Variants in DHX34 observed in about 807,000 individuals in gnomAD.
The protein encoded by DHX34 is probable ATP-dependent RNA helicase DHX34.
Under a neutral mutation model 111.1 loss-of-function variants are expected in DHX34, and 96 were observed. That is an observed-to-expected ratio of 0.86 (90% confidence interval 0.73 to 1.02). The LOEUF (loss-of-function observed/expected upper bound fraction) is 1.02, where lower values mean the gene tolerates loss of function less well. Ranked by LOEUF, DHX34 falls within the 50% of genes least tolerant of loss-of-function variation. The pLI, the probability that DHX34 is intolerant of heterozygous loss-of-function variation, is 0.00. For synonymous variants in DHX34, 688 were observed against 670.4 expected (o/e 1.03, Z -0.41); for missense variants, 1,560 against 1,579.9 (o/e 0.99, Z 0.21).
At chr19:47,372,612 G>A (rs1455036985) in intron 7 of DHX34, 118 bp from the exon 8 acceptor site, 2 of 1,433,108 alleles carry the variant, frequency 1.4e-6, no homozygotes, top group Non-Finnish European at 1.8e-6. Flanking sequence ...CCCTTAGTGG[G>A]CAAGATGGAG....
rs1230493147 is a variant in DHX34, at chr19:47,359,843, G to A, written c.1273-125G>A. The A allele has an allele frequency of 1.1e-5, 17 of 1,544,406 alleles. No homozygotes were observed. In the East Asian group the frequency reaches 3.7e-4, roughly 34 times the overall value. On this transcript the variant is annotated intron_variant, in intron 4 of 16. Coordinates refer to ENST00000328771, the MANE Select transcript of DHX34 (RefSeq NM_014681.6). The stretch of plus-strand genomic sequence containing the variant: ...GGTGGACGGTGAGCCATCTCCAAAA[G>A]GGAGGTCTCTGAAGGAGGAAAGGGT...
chr19:47,379,983 A>G lies in DHX34; in HGVS notation c.2980A>G (p.Lys994Glu). Residue 994 changes from lysine (K) to glutamate (E), a missense_variant and splice_region_variant, in exon 14 of 17, where the codon AAG becomes GAG. Physicochemically the swap from Lys to Glu is moderately conservative, Grantham distance 56. Coordinates refer to ENST00000328771, the MANE Select transcript of DHX34 (RefSeq NM_014681.6). ...SKELLQFTAS[K>E]IPYSLRRLTG... ...GGAACTCCTGCAATTCACGGCATCC[A>G]AGGTACCCTCCACCAGGGTGCCCGT... 1 of 1,580,494 alleles carries G rather than the reference A, an allele frequency of 6.3e-7. No individual in the cohort carries two copies. The highest frequency in any genetic ancestry group is 8.7e-7 in the Non-Finnish European group (1 of 1,155,052).
Position 47,377,158 on chromosome 19 carries a change from G to A in DHX34, c.2658G>A (p.Glu886=), listed in dbSNP as rs771829489. Residue 886 remains glutamate, a synonymous_variant, in exon 13 of 17, where the codon GAG becomes GAA. Transcript: ENST00000328771. The part of the protein sequence containing the change: ...HQLLSFVSLL[E]TNKPYLVNCV... ...TCCTCAGCTTCGTGTCCCTGCTGGA[G>A]ACCAACAAGCCGTACCTGGTGAACT... 91 of 1,613,690 alleles carry A rather than the reference G, an allele frequency of 5.6e-5. 2 individuals carry two copies. In the South Asian group the frequency reaches 7.6e-4, roughly 13 times the overall value.
intron 4 of DHX34, among the ~76,000 whole-genome samples, chr19:47,359,558 G>A (rs1407005890): frequency 6.6e-6 from 1 of 152,130 alleles, no homozygotes; most frequent in Non-Finnish European, 1.5e-5. Context: ...AAGGCAGGCG[G>A]ATCACCTGAG....
At chr19:47,376,758 G>C (rs963809499) in intron 12 of DHX34, 198 bp downstream of exon 12, 1 of 1,443,848 alleles carries the variant, frequency 6.9e-7, no homozygotes, top group Non-Finnish European at 9.2e-7. Flanking sequence ...CTCACCTTCC[G>C]CATGGTGGTG....
rs371716085 is a variant in DHX34, at chr19:47,362,438, CCA to C, written c.1376-31_1376-30del. 3.8e-4 allele frequency: 564 copies of C among 1,492,228 alleles called. 4 individuals carry two copies. In the African/African-American group the frequency reaches 7.0e-3, roughly 19 times the overall value. The allele number at this position is 1,492,228 out of a possible 1,614,324, so 92.4% of individuals were successfully genotyped here. A position where few individuals can be genotyped will look rare whatever the true frequency, so the allele number is the denominator to read the frequency against. On this transcript the variant is annotated intron_variant, in intron 5 of 16. Coordinates refer to ENST00000328771, the MANE Select transcript of DHX34 (RefSeq NM_014681.6). The stretch of plus-strand genomic sequence containing the variant: ...GCGCGTGGCCAGCTGCACGTGGCTG[CCA>C]CACACAGACTCCCTTTCCTCATTGC...
chr19:47,374,004 C>T (rs968097604), intron 9 of DHX34, among the ~76,000 whole-genome samples: 8 of 152,292 alleles, frequency 5.3e-5, no homozygotes, highest in South Asian at 2.1e-4. Flanking sequence ...AGGCAGCCTA[C>T]GGTTGTGGTT....
chr19:47,367,639 C>T lies in DHX34; in HGVS notation c.1768+484C>T, dbSNP rs572508164. Reference sequence around the variant, plus strand: ...GCACAGTGGCCCACACCTGTAATCCCAGCACTTTGGGAGGCTGAGGCAGGT... The same window carrying T: ...GCACAGTGGCCCACACCTGTAATCCTAGCACTTTGGGAGGCTGAGGCAGGT... On this transcript the variant is annotated intron_variant, in intron 7 of 16. Transcript: ENST00000328771. 6.6e-5 allele frequency among the ~76,000 whole-genome samples: 10 copies of T among 152,282 alleles called. No homozygotes were observed. The South Asian group carries it at 1.2e-3, about 19-fold the overall frequency.
intron 6 of DHX34, among the ~76,000 whole-genome samples, chr19:47,363,817 CAAAA>C (rs34357751): frequency 1.3e-4 from 10 of 76,220 alleles, no homozygotes; most frequent in Admixed American, 4.0e-4. Flanking sequence ...GACTCCATCT[CAAAA>C]AAAAAAAAAA....
chr19:47,362,896 A>C (rs2122258115), intron 6 of DHX34, among the ~76,000 whole-genome samples: 1 of 152,136 alleles, frequency 6.6e-6, no homozygotes, highest in East Asian at 1.9e-4. Context: ...TCCACCTGCC[A>C]AGTAGCTGGG....
At chr19:47,365,904 A>G (rs1264341047) in intron 6 of DHX34, among the ~76,000 whole-genome samples, 1 of 152,196 alleles carries the variant, frequency 6.6e-6, no homozygotes, top group Non-Finnish European at 1.5e-5. Context: ...GAGAAATACA[A>G]CTGAAACTAT....
Position 47,378,274 on chromosome 19 carries a change from C to T in DHX34, c.2706+1068C>T, listed in dbSNP as rs78573618. 5.8e-3 allele frequency among the ~76,000 whole-genome samples: 884 copies of T among 151,896 alleles called. 1 individual carries two copies. The highest frequency in any genetic ancestry group is 0.011 in the South Asian group (52 of 4,826). The stretch of plus-strand genomic sequence containing the variant: ...TGTGTGTCCACACCTCCCTCGAGCC[C>T]GTCTGGTGGGCCAGGCACTGTTAGT... On this transcript the variant is annotated intron_variant, in intron 13 of 16. Coordinates refer to ENST00000328771, the MANE Select transcript of DHX34 (RefSeq NM_014681.6).
chr19:47,376,023 G>T lies in DHX34; in HGVS notation c.2407G>T (p.Val803Leu). ...SREQLALLKL[V>L]LGRGLYPQLA... ...CGAGCAGCTGGCTCTGCTGAAGCTG[G>T]TGCTGGGCCGGGGCCTGTACCCACA... Residue 803 changes from valine to leucine, a missense_variant, in exon 11 of 17, where the codon GTG becomes TTG. Physicochemically the swap from Val to Leu is conservative, Grantham distance 32. Coordinates refer to ENST00000328771, the MANE Select transcript of DHX34 (RefSeq NM_014681.6). 1.2e-6 allele frequency: 2 copies of T among 1,604,966 alleles called. No homozygotes were observed. The highest frequency in any genetic ancestry group is 4.5e-5 in the East Asian group (2 of 44,704).
In DHX34 at chr19:47,373,591, C is replaced by A. The variant is rs772098340; in HGVS notation, c.1963-8C>A. The A allele has an allele frequency of 1.6e-5, 25 of 1,612,594 alleles. 1 individual carries two copies. The South Asian group carries it at 2.5e-4, about 16-fold the overall frequency. On this transcript the variant is annotated splice_region_variant and splice_polypyrimidine_tract_variant and intron_variant, in intron 8 of 16. Coordinates refer to ENST00000328771, the MANE Select transcript of DHX34 (RefSeq NM_014681.6). ...CCCTGACACCCTGGCGTCTGCTCCT[C>A]CACCCAGGTGAAATCTGAACGGAGC...
chr19:47,368,645 C>T lies in DHX34; in HGVS notation c.1768+1490C>T, dbSNP rs1031989885. Among the ~76,000 whole-genome samples, 11 of 139,000 alleles carry T rather than the reference C, an allele frequency of 7.9e-5. No homozygotes were observed. In the East Asian group the frequency reaches 8.0e-4, roughly 10 times the overall value. The allele number at this position is 139,000 out of a possible 152,430, so 91.2% of individuals were successfully genotyped here. On this transcript the variant is annotated intron_variant, in intron 7 of 16. Coordinates refer to ENST00000328771, the MANE Select transcript of DHX34 (RefSeq NM_014681.6). The stretch of plus-strand genomic sequence containing the variant: ...GTGTGTGTGTGTATATATATACACA[C>T]ACACACACACACACACATACACACA...
At chr19:47,358,615 T>G (rs997581718) in intron 4 of DHX34, among the ~76,000 whole-genome samples, 1 of 151,444 alleles carries the variant, frequency 6.6e-6, no homozygotes, top group African/African-American at 2.4e-5. Flanking sequence ...TAAACTCCAT[T>G]AATTTTTTTT....
At chr19:47,351,171 C>CTTTTTTTTTTT (rs955543104) in intron 1 of DHX34, among the ~76,000 whole-genome samples, 60 of 93,102 alleles carry the variant, frequency 6.4e-4, no homozygotes, top group Non-Finnish European at 7.9e-4. Flanking sequence ...TTTTCTTTTT[C>CTTTTTTTTTTT]TTTTTTTTTT....
At chr19:47,370,670 TTTTATTTA>T (rs71180829) in intron 7 of DHX34, among the ~76,000 whole-genome samples, 70,777 of 151,284 alleles carry the variant, frequency 0.47, 20,339 homozygotes, top group Non-Finnish European at 0.63. Context: ...TTCATTTTTG[TTTTATTTA>T]TTTATTTATT....
At chr19:47,375,731 T>C (rs1333460668) in intron 10 of DHX34, 23 bp downstream of exon 10, 2 of 1,555,606 alleles carry the variant, frequency 1.3e-6, no homozygotes, top group East Asian at 4.7e-5. Flanking sequence ...GGCTGTGGGG[T>C]GTGGGGGTTT....
Sources: allele counts gnomAD v4.1 joint callset (sites outside exome capture counted in the v4.1 genomes callset), GRCh38; gene constraint gnomAD v4.1.1; transcripts MANE v1.5; gene names NCBI Gene and HGNC (gene_info 2026-07-23, HGNC 2026-07-21).